Variants in STAT4 observed in about 807,000 individuals in gnomAD.
STAT4 encodes the protein signal transducer and activator of transcription 4.
STAT4 carries 42 observed loss-of-function variants against 110.5 expected under a neutral mutation model. The observed-to-expected ratio is 0.38, with a 90% CI of 0.30 to 0.49. The LOEUF (loss-of-function observed/expected upper bound fraction) is 0.49, where lower values mean the gene tolerates loss of function less well. Ranked by LOEUF, STAT4 falls within the 20% of genes least tolerant of loss-of-function variation. The pLI, the probability that STAT4 is intolerant of heterozygous loss-of-function variation, is 0.95. For missense variants in STAT4, 632 were observed against 887.9 expected, an observed-to-expected ratio of 0.71 and a Z score of 3.66; for synonymous variants, 284 against 302.2, an observed-to-expected ratio of 0.94 and a Z score of 0.63.
chr2:191,034,416 C>T, intron 18 of STAT4, 132 bp downstream of exon 18: 1 of 662,650 alleles, frequency 1.5e-6, no homozygotes, highest in South Asian at 1.8e-5. Context: ...GAGCAAGACT[C>T]TATCTCAAAA....
At position 191,036,212 on chromosome 2, in the gene STAT4, G is replaced by C; in HGVS notation, c.1522C>G (p.Arg508Gly). 6.2e-7 allele frequency: 1 copy of C among 1,614,098 alleles called. No homozygotes were observed. The highest frequency in any genetic ancestry group is 8.5e-7 in the Non-Finnish European group (1 of 1,180,020). ...TGGAGTTGATCTGAGTTAAGACCAC[G>C]ACCAACGTACGATGAAAACTGCCAG... ...MSWQFSSYVG[R>G]GLNSDQLHML... The change falls in exon 17 of 24, where the codon CGT (arginine) becomes GGT (glycine). Residue 508 changes from arginine to glycine, a missense_variant. Arg to Gly is a moderately radical substitution (Grantham distance 125). Coordinates refer to ENST00000392320, the MANE Select transcript of STAT4 (RefSeq NM_003151.4).
intron 3 of STAT4, among the ~76,000 whole-genome samples, chr2:191,080,074 T>C (rs1476883820): frequency 2.6e-5 from 4 of 152,174 alleles, no homozygotes; most frequent in Admixed American, 2.6e-4. Context: ...TGTGCTACTG[T>C]CATACACATT....
intron 3 of STAT4, chr2:191,122,042 G>T (rs1698750915): frequency 6.6e-6 from 1 of 152,016 alleles, no homozygotes; most frequent in Non-Finnish European, 1.5e-5. Flanking sequence ...AATTTGTAAA[G>T]CATTCCATAT....
intron 4 of STAT4, chr2:191,075,963 A>C (rs1697305900): frequency 6.3e-6 from 2 of 318,838 alleles, no homozygotes; most frequent in African/African-American, 4.3e-5. Flanking sequence ...TGATCCTTCT[A>C]TCTCAGCCTC....
chr2:191,125,589 G>T (rs1698861610), intron 3 of STAT4, among the ~76,000 whole-genome samples: 1 of 151,648 alleles, frequency 6.6e-6, no homozygotes, highest in Non-Finnish European at 1.5e-5. Context: ...CAGGGCTTAA[G>T]TTATCCTACC....
Position 191,037,620 on chromosome 2 carries a change from G to A in STAT4, c.1435-1321C>T, listed in dbSNP as rs116149180. Among the ~76,000 whole-genome samples, 975 of 152,294 alleles carry A rather than the reference G, an allele frequency of 6.4e-3. 8 individuals carry two copies. The highest frequency in any genetic ancestry group is 0.021 in the African/African-American group (890 of 41,562). On this transcript the variant is annotated intron_variant, in intron 16 of 23. Coordinates refer to ENST00000392320, the MANE Select transcript of STAT4 (RefSeq NM_003151.4). The surrounding 1 kb of genome is among the most constrained non-coding windows in gnomAD (Gnocchi z 4.8). Reference sequence around the variant, plus strand: ...AAGGAAGAATTCAGAAATCCAGTGCGGTGCCTGGAAAAGGCCGTTGTGAAC... The same window carrying A: ...AAGGAAGAATTCAGAAATCCAGTGCAGTGCCTGGAAAAGGCCGTTGTGAAC...
Position 191,099,664 on chromosome 2 carries a change from C to A in STAT4, c.274-23339G>T, listed in dbSNP as rs745323965. On this transcript the variant is annotated intron_variant, in intron 3 of 23. Transcript: ENST00000392320. The surrounding 1 kb of genome is among the most constrained non-coding windows in gnomAD (Gnocchi z 4.1). ...TTTTAAAAATATCCACAAATTATAT[C>A]TTTTCCATTTTTTTCCATTTTTATT... 3.3e-5 allele frequency among the ~76,000 whole-genome samples: 5 copies of A among 152,052 alleles called. No homozygotes were observed. Among genetic ancestry groups the A allele is most frequent in the Non-Finnish European group, 7.4e-5 (5 of 67,968 alleles).
Position 191,034,552 on chromosome 2 carries a change from C to A in STAT4, c.1616G>T (p.Cys539Phe). Residue 539 changes from cysteine to phenylalanine, a missense_variant, in exon 18 of 24, where the codon TGC becomes TTC. Transcript: ENST00000392320. The stretch of plus-strand genomic sequence containing the variant: ...TGTTTCCCCGACCGTTTGTACCTTG[C>A]AGAACTTGGCCCAGGTGAGGTGACC... ...SDGHLTWAKFCKEHLPGKSFT... is the reference protein window; with the variant it reads ...SDGHLTWAKFFKEHLPGKSFT... 6.2e-7 allele frequency: 1 copy of A among 1,612,836 alleles called. No homozygotes were observed. Among genetic ancestry groups the A allele is most frequent in the Non-Finnish European group, 8.5e-7 (1 of 1,178,988 alleles).
intron 6 of STAT4, among the ~76,000 whole-genome samples, chr2:191,067,827 C>A (rs963400302): frequency 6.6e-6 from 1 of 152,120 alleles, no homozygotes; most frequent in Non-Finnish European, 1.5e-5. Context: ...CCTGTTCATA[C>A]CAACCATTCA....
chr2:191,115,105 A>G (rs1698538540), intron 3 of STAT4, among the ~76,000 whole-genome samples: 1 of 152,162 alleles, frequency 6.6e-6, no homozygotes, highest in South Asian at 2.1e-4. Flanking sequence ...CAATTCTACC[A>G]ACACTTATGG....
Position 191,033,250 on chromosome 2 carries a change from G to A in STAT4, c.1853-101C>T. Reference sequence around the variant, plus strand: ...TATCTTCATGCCACTGGAGTGACTTGTCAGTTCATGTCACTTCAATGTCAG... The same window carrying A: ...TATCTTCATGCCACTGGAGTGACTTATCAGTTCATGTCACTTCAATGTCAG... On this transcript the variant is annotated intron_variant, in intron 20 of 23. Coordinates refer to ENST00000392320, the MANE Select transcript of STAT4 (RefSeq NM_003151.4). This position sits in a 1 kb window ranked among gnomAD's most constrained non-coding sequence, Gnocchi z 6.9. 8.0e-7 allele frequency: 1 copy of A among 1,256,256 alleles called. No individual in the cohort carries two copies. The highest frequency in any genetic ancestry group is 1.5e-5 in the South Asian group (1 of 66,604). 77.8% of individuals were successfully genotyped at this position (1,256,256 alleles called of 1,614,324 possible). A position where few individuals can be genotyped will look rare whatever the true frequency, so the allele number is the denominator to read the frequency against.
chr2:191,133,343 G>T lies in STAT4; in HGVS notation c.273+13270C>A, dbSNP rs143400753. Among the ~76,000 whole-genome samples, 728 of 151,450 alleles carry T rather than the reference G, an allele frequency of 4.8e-3. 15 individuals carry two copies. Among genetic ancestry groups the T allele is most frequent in the Middle Eastern group, 0.024 (7 of 294 alleles). On this transcript the variant is annotated intron_variant, in intron 3 of 23. Transcript: ENST00000392320. Reference sequence around the variant, plus strand: ...AACCAAACAAAATCCCTCCCTTTATGAAGATGGTCTTCTAATGGCAAGAAA... The same window carrying T: ...AACCAAACAAAATCCCTCCCTTTATTAAGATGGTCTTCTAATGGCAAGAAA...
intron 3 of STAT4, among the ~76,000 whole-genome samples, chr2:191,101,767 A>T (rs1371177953): frequency 6.6e-6 from 1 of 152,062 alleles, no homozygotes; most frequent in Non-Finnish European, 1.5e-5. Flanking sequence ...TGAGTGTTCA[A>T]TTGAAATTGT....
At position 191,057,981 on chromosome 2, in the gene STAT4, G is replaced by GA. The variant is rs750441597; in HGVS notation, c.1206+36dup. ...ATTAGTAAAGATGTCTGATTTTGGG[G>GA]AAAAAAAAGCCTGTTTAACTTTACT... On this transcript the variant is annotated intron_variant, in intron 13 of 23. Transcript: ENST00000392320. The GA allele has an allele frequency of 8.0e-5, 121 of 1,520,890 alleles. 1 individual carries two copies. The highest frequency in any genetic ancestry group is 3.4e-4 in the Middle Eastern group (2 of 5,884). 94.2% of individuals were successfully genotyped at this position (1,520,890 alleles called of 1,614,324 possible).
chr2:191,040,574 T>A (rs1696164651), intron 15 of STAT4, among the ~76,000 whole-genome samples: 1 of 152,170 alleles, frequency 6.6e-6, no homozygotes, highest in Non-Finnish European at 1.5e-5. Flanking sequence ...ATTTATTTAT[T>A]TTTTTGAGAC....
rs1451423072 is a variant in STAT4, at chr2:191,104,637, ACAT to A, written c.274-28315_274-28313del. Among the ~76,000 whole-genome samples the A allele has an allele frequency of 2.0e-5, 3 of 152,204 alleles. 1 individual carries two copies. Among genetic ancestry groups the A allele is most frequent in the African/African-American group, 4.8e-5 (2 of 41,452 alleles). On this transcript the variant is annotated intron_variant, in intron 3 of 23. Transcript: ENST00000392320. This position sits in a 1 kb window ranked among gnomAD's most constrained non-coding sequence, Gnocchi z 4.3. ...AAACAAAGGTCCATAACCACCATAC[ACAT>A]CATCATCATTTTATAAAACATAAAA...
chr2:191,081,088 T>G (rs969297601), intron 3 of STAT4, among the ~76,000 whole-genome samples: 21 of 152,124 alleles, frequency 1.4e-4, no homozygotes, highest in Non-Finnish European at 4.4e-5. Flanking sequence ...GAGAACATGC[T>G]GTGTTTGGTT....
rs1696086775 is a variant in STAT4, at chr2:191,037,948, G to A, written c.1434+1251C>T. On this transcript the variant is annotated intron_variant, in intron 16 of 23. Transcript: ENST00000392320. This position sits in a 1 kb window ranked among gnomAD's most constrained non-coding sequence, Gnocchi z 4.8. ...TTCTGTAACTAGGCTGTGAATCTGT[G>A]TTTTAGGAGCTGTATATTATCTATA... Among the ~76,000 whole-genome samples, 1 of 152,192 alleles carries A rather than the reference G, an allele frequency of 6.6e-6. No homozygotes were observed. The highest frequency in any genetic ancestry group is 1.5e-5 in the Non-Finnish European group (1 of 68,030).
intron 14 of STAT4, among the ~76,000 whole-genome samples, chr2:191,048,577 A>G (rs963494975): frequency 6.6e-5 from 10 of 151,214 alleles, no homozygotes; most frequent in African/African-American, 2.4e-4. Context: ...GGAGTTCAAG[A>G]CCAGCCTGGC....
Sources: allele counts gnomAD v4.1 joint callset (sites outside exome capture counted in the v4.1 genomes callset), GRCh38; gene constraint gnomAD v4.1.1; non-coding constraint Gnocchi (gnomAD v3.1); transcripts MANE v1.5; gene names NCBI Gene and HGNC (gene_info 2026-07-23, HGNC 2026-07-21).